The following OTOA variants were observed in gnomAD, a reference collection of about 807,000 sequenced individuals.
OTOA encodes otoancorin, also known as cancer/testis antigen 108.
OTOA carries 70 observed loss-of-function variants against 110.8 expected under a neutral mutation model. The ratio of observed to expected loss-of-function variants is 0.63; its 90% CI spans 0.52 to 0.77. OTOA has a LOEUF of 0.77. OTOA is among the 30% of genes least tolerant of loss of function. The probability of loss-of-function intolerance (pLI) is 0.00; values close to 1 mark genes in which losing one functional copy is unlikely to be tolerated. For synonymous variants in OTOA, 373 were observed against 431.5 expected (o/e 0.86, Z 1.68); for missense variants, 917 against 1,075.8 (o/e 0.85, Z 2.06).
At chr16:21,750,132 G>T (rs1397733069) in intron 24 of OTOA, among the ~76,000 whole-genome samples, 1 of 152,304 alleles carries the variant, frequency 6.6e-6, no homozygotes. Context: ...AAGGGGCTGG[G>T]TGCACTGTGC....
chr16:21,670,716 A>G (rs747203572), intron 1 of OTOA, among the ~76,000 whole-genome samples: 1 of 152,254 alleles, frequency 6.6e-6, no homozygotes, highest in Non-Finnish European at 1.5e-5. Context: ...AAATAATTAC[A>G]CAAACATAAA....
chr16:21,756,486 T>C (rs1317009460), intron 27 of OTOA, among the ~76,000 whole-genome samples: 11 of 152,036 alleles, frequency 7.2e-5, no homozygotes, highest in East Asian at 3.8e-4. Flanking sequence ...ACAGCAAGTA[T>C]GTGGCAGAGC....
intron 18 of OTOA, among the ~76,000 whole-genome samples, chr16:21,726,188 G>A (rs925648188): frequency 6.6e-6 from 1 of 152,010 alleles, no homozygotes; most frequent in Non-Finnish European, 1.5e-5. Flanking sequence ...CAATGCTCTG[G>A]GGCATAGAAG....
chr16:21,676,047 C>T (rs1429774126), intron 1 of OTOA, among the ~76,000 whole-genome samples: 1 of 152,168 alleles, frequency 6.6e-6, no homozygotes, highest in Non-Finnish European at 1.5e-5. Flanking sequence ...CCCACCTCAG[C>T]CTCCTGAGTA....
At chr16:21,726,447 G>A (rs1898918769) in intron 18 of OTOA, 76 bp from the exon 19 acceptor site, 1 of 1,580,240 alleles carries the variant, frequency 6.3e-7, no homozygotes, top group Admixed American at 1.7e-5. Context: ...GAGCTCTTGG[G>A]CAGGCGGACC....
In OTOA at chr16:21,753,263, T is replaced by C. The variant is rs548371295; in HGVS notation, c.3153+139T>C. ...GGGTCAGAGGAGATCTGTGTGAGTT[T>C]AGGTGTTTTTAAAAAACATTTTTCT... On this transcript the variant is annotated intron_variant, in intron 27 of 28. Coordinates refer to ENST00000646100, the MANE Select transcript of OTOA (RefSeq NM_144672.4). The C allele has an allele frequency of 1.7e-4, 76 of 450,204 alleles. 6 individuals are homozygous for C. The East Asian group carries it at 2.7e-3, about 16-fold the overall frequency. 27.9% of individuals were successfully genotyped at this position (450,204 alleles called of 1,614,324 possible). A position where few individuals can be genotyped will look rare whatever the true frequency, so the allele number is the denominator to read the frequency against.
At position 21,710,110 on chromosome 16, in the gene OTOA, T is replaced by C. The variant is rs1268384097; in HGVS notation, c.1320+7T>C. The stretch of plus-strand genomic sequence containing the variant: ...ATACTTGGCCCATGAGAAGGTCAGC[T>C]GGAGTTTTAAACTCTTTTTTATTCC... On this transcript the variant is annotated splice_region_variant and intron_variant, in intron 13 of 28. Coordinates refer to ENST00000646100, the MANE Select transcript of OTOA (RefSeq NM_144672.4). 6.2e-7 allele frequency: 1 copy of C among 1,606,152 alleles called. No homozygotes were observed. The highest frequency in any genetic ancestry group is 8.5e-7 in the Non-Finnish European group (1 of 1,175,840).
At chr16:21,690,132 G>A (rs969932364) in intron 8 of OTOA, among the ~76,000 whole-genome samples, 6 of 152,156 alleles carry the variant, frequency 3.9e-5, no homozygotes, top group African/African-American at 1.4e-4. Flanking sequence ...TAGCTGTGAA[G>A]GGGAAGAGGA....
chr16:21,731,398 G>T (rs567400364), intron 21 of OTOA, among the ~76,000 whole-genome samples: 3 of 152,354 alleles, frequency 2.0e-5, no homozygotes, highest in Non-Finnish European at 2.9e-5. Context: ...AGACCAAGGG[G>T]CATGCAAAAT....
rs148807392 is a variant in OTOA at position 21,714,072 on chromosome 16, A to G, written c.1321-913A>G. Among the ~76,000 whole-genome samples, 222 of 152,236 alleles carry G rather than the reference A, an allele frequency of 1.5e-3. 2 individuals are homozygous for G. The East Asian group carries it at 0.037, about 25-fold the overall frequency. On this transcript the variant is annotated intron_variant, in intron 13 of 28. Transcript: ENST00000646100. ...GACAGCATGAGATCACCCATTATACACAGAATAACTAAAGGAACCCACTCA... is the reference window on the plus strand; with the variant it reads ...GACAGCATGAGATCACCCATTATACGCAGAATAACTAAAGGAACCCACTCA...
chr16:21,705,461 A>C lies in OTOA; in HGVS notation c.1104+169A>C, dbSNP rs376510645. The C allele has an allele frequency of 2.1e-5, 21 of 1,011,970 alleles. No individual in the cohort carries two copies. The African/African-American group carries it at 2.9e-4, about 14-fold the overall frequency. 62.7% of individuals were successfully genotyped at this position (1,011,970 alleles called of 1,614,324 possible). A position where few individuals can be genotyped will look rare whatever the true frequency, so the allele number is the denominator to read the frequency against. Reference sequence around the variant, plus strand: ...AATACTGAGGTAAGTGTAACATCGAAGCCCAGACAGAAAATAGCAAAGGAA... The same window carrying C: ...AATACTGAGGTAAGTGTAACATCGACGCCCAGACAGAAAATAGCAAAGGAA... On this transcript the variant is annotated intron_variant, in intron 12 of 28. Coordinates refer to ENST00000646100, the MANE Select transcript of OTOA (RefSeq NM_144672.4).
intron 6 of OTOA, among the ~76,000 whole-genome samples, chr16:21,682,588 T>G (rs1036491350): frequency 1.3e-5 from 2 of 152,226 alleles, no homozygotes; most frequent in African/African-American, 4.8e-5. Flanking sequence ...CTCGTGCCTG[T>G]GGTGGTGACT....
At chr16:21,702,192 C>T (rs1216777619) in intron 11 of OTOA, among the ~76,000 whole-genome samples, 1 of 152,142 alleles carries the variant, frequency 6.6e-6, no homozygotes, top group Non-Finnish European at 1.5e-5. Flanking sequence ...TCAAGTGATC[C>T]ACCCATCTTG....
chr16:21,706,823 CT>C (rs34176598), intron 12 of OTOA, among the ~76,000 whole-genome samples: 1,682 of 128,242 alleles, frequency 0.013, 14 homozygotes, highest in African/African-American at 0.018. Flanking sequence ...GTCAGCGCAT[CT>C]TTTTTTTTTT....
intron 10 of OTOA, among the ~76,000 whole-genome samples, chr16:21,698,889 C>T (rs970547038): frequency 2.0e-5 from 3 of 152,098 alleles, no homozygotes; most frequent in Non-Finnish European, 4.4e-5. Flanking sequence ...ACTTTTTATT[C>T]GCTAAAAATG....
At chr16:21,738,199 A>T (rs1736647387) in intron 22 of OTOA, among the ~76,000 whole-genome samples, 1 of 147,652 alleles carries the variant, frequency 6.8e-6, no homozygotes, top group African/African-American at 2.5e-5. Context: ...GGCCATGTGG[A>T]TATTTTCAAT....
intron 27 of OTOA, among the ~76,000 whole-genome samples, chr16:21,756,652 C>T (rs559158080): frequency 6.6e-6 from 1 of 152,094 alleles, no homozygotes; most frequent in South Asian, 2.1e-4. Flanking sequence ...CCCTTTTCAA[C>T]TCTCCATTAG....
intron 1 of OTOA, among the ~76,000 whole-genome samples, chr16:21,674,427 C>T (rs149787421): frequency 0.013 from 1,986 of 151,738 alleles, 31 homozygotes; most frequent in South Asian, 0.035. Flanking sequence ...TCCGCCTCCT[C>T]GGTTCAAGCA....
chr16:21,714,367 TTCTC>T (rs1204181118), intron 13 of OTOA, among the ~76,000 whole-genome samples: 6 of 83,806 alleles, frequency 7.2e-5, no homozygotes, highest in South Asian at 4.8e-4. Flanking sequence ...CTCTCTTTCT[TTCTC>T]TCTCTTTCTC....
Sources: gnomAD v4.1 joint callset for allele counts (sites outside exome capture counted in the v4.1 genomes callset) on GRCh38, gnomAD v4.1.1 for gene constraint, MANE v1.5 for transcripts, NCBI Gene and HGNC (gene_info 2026-07-23, HGNC 2026-07-21) for gene names.